Variants in MYH10 observed in about 807,000 individuals in gnomAD.
MYH10 encodes myosin heavy chain 10, also known as myosin-10.
A neutral mutation model predicts 257.8 loss-of-function variants in MYH10; 55 were observed. The ratio of observed to expected loss-of-function variants is 0.21; its 90% confidence interval spans 0.17 to 0.27. MYH10 has a LOEUF of 0.27. MYH10 is among the 10% of genes least tolerant of loss of function. MYH10 has a pLI of 1.00. For missense variants in MYH10, 1,631 were observed against 2,500.6 expected (o/e 0.65, Z 7.42); for synonymous variants, 854 against 921.7 (o/e 0.93, Z 1.33).
At chr17:8,496,707 C>T (rs1350469635) in intron 30 of MYH10, among the ~76,000 whole-genome samples, 1 of 152,192 alleles carries the variant, frequency 6.6e-6, no homozygotes, top group Non-Finnish European at 1.5e-5. Flanking sequence ...TATTTCAGTA[C>T]CTACACGTTA....
At chr17:8,613,804 A>T (rs936675225) in intron 2 of MYH10, among the ~76,000 whole-genome samples, 2 of 152,176 alleles carry the variant, frequency 1.3e-5, no homozygotes, top group African/African-American at 4.8e-5. Context: ...TAACCACCAT[A>T]AGCAGTTTAT....
At chr17:8,564,783 C>A (rs886479671) in intron 7 of MYH10, among the ~76,000 whole-genome samples, 6 of 152,134 alleles carry the variant, frequency 3.9e-5, no homozygotes, top group African/African-American at 1.4e-4. Flanking sequence ...CTTAGACATT[C>A]TACTAGGAAA....
At chr17:8,626,258 C>T (rs1288315201) in intron 1 of MYH10, among the ~76,000 whole-genome samples, 1 of 152,114 alleles carries the variant, frequency 6.6e-6, no homozygotes, top group Non-Finnish European at 1.5e-5. Flanking sequence ...CCAACTTAAA[C>T]GTTGCACACT....
chr17:8,512,691 C>T, intron 23 of MYH10, 34 bp from the exon 24 acceptor site: 1 of 1,564,290 alleles, frequency 6.4e-7, no homozygotes, highest in South Asian at 1.1e-5. Flanking sequence ...TGATTTGCCC[C>T]TATTACATAC....
intron 17 of MYH10, among the ~76,000 whole-genome samples, chr17:8,522,363 AACTGCTCAAGTT>A (rs2151906020): frequency 6.6e-6 from 1 of 151,942 alleles, no homozygotes; most frequent in East Asian, 1.9e-4. Context: ...GGTAAAAGTG[AACTGCTCAAGTT>A]ATGCAGGTCT....
Position 8,569,221 on chromosome 17 carries a change from CAAAA to C in MYH10, c.756+495_756+498del, listed in dbSNP as rs57833859. Among the ~76,000 whole-genome samples the C allele has an allele frequency of 7.2e-6, 1 of 138,756 alleles. No individual in the cohort carries two copies. Among genetic ancestry groups the C allele is most frequent in the Non-Finnish European group, 1.6e-5 (1 of 63,548 alleles). The allele number at this position is 138,756 out of a possible 152,430, so 91.0% of individuals were successfully genotyped here. On this transcript the variant is annotated intron_variant, in intron 7 of 42. Transcript: ENST00000360416. The surrounding 1 kb of genome is among the most constrained non-coding windows in gnomAD (Gnocchi z 4.1). The stretch of plus-strand genomic sequence containing the variant: ...TGGGTGACAGAGCAAGACCCTGTCT[CAAAA>C]AAAAAAAAAAATTAAAGAGAAGTCA...
intron 4 of MYH10, among the ~76,000 whole-genome samples, chr17:8,583,111 G>A (rs577289409): frequency 6.7e-4 from 102 of 152,208 alleles, no homozygotes; most frequent in African/African-American, 2.2e-3. Flanking sequence ...CTCCCCTATC[G>A]CACTGGCACT....
In MYH10 at chr17:8,565,583, T is replaced by C. The variant is rs184131770; in HGVS notation, c.756+4137A>G. 1.3e-3 allele frequency among the ~76,000 whole-genome samples: 200 copies of C among 152,372 alleles called. 2 individuals carry two copies. In the South Asian group the frequency reaches 0.017, roughly 13 times the overall value. On this transcript the variant is annotated intron_variant, in intron 7 of 42. Coordinates refer to ENST00000360416, the MANE Select transcript of MYH10 (RefSeq NM_001256012.3). ...AAGATATCTCTGTTTCTTGGTCGAA[T>C]TGAAAGCTACGTCTAAGAACAATGC...
rs775906226 is a variant in MYH10, at chr17:8,492,348, G to T, written c.4620C>A (p.Leu1540=). The T allele has an allele frequency of 1.9e-6, 3 of 1,613,722 alleles. No homozygotes were observed. The highest frequency in any genetic ancestry group is 1.6e-4 in the Middle Eastern group (1 of 6,062). Residue 1540 remains leucine, a synonymous_variant, in exon 34 of 43, where the codon CTC becomes CTA. Coordinates refer to ENST00000360416, the MANE Select transcript of MYH10 (RefSeq NM_001256012.3). ...TCATGAGGTCTTCCATGTCTGCTCGGAGCTGCTTGTTCTGCCTCTCAAACT... is the reference window on the plus strand; with the variant it reads ...TCATGAGGTCTTCCATGTCTGCTCGTAGCTGCTTGTTCTGCCTCTCAAACT... ...KEEFERQNKQ[L]RADMEDLMSS... is the part of the protein sequence containing the mutation.
chr17:8,563,293 G>A (rs958240351), intron 7 of MYH10, among the ~76,000 whole-genome samples: 13 of 152,126 alleles, frequency 8.5e-5, no homozygotes, highest in African/African-American at 2.9e-4. Context: ...CATGCACTAA[G>A]TGGCCTCATT....
intron 2 of MYH10, among the ~76,000 whole-genome samples, chr17:8,616,344 T>C (rs998893068): frequency 6.6e-6 from 1 of 152,056 alleles, no homozygotes; most frequent in African/African-American, 2.4e-5. Context: ...ACAACATGTG[T>C]GCTCATAGAA....
At chr17:8,484,692 T>G (rs1210928940) in intron 36 of MYH10, among the ~76,000 whole-genome samples, 1 of 152,194 alleles carries the variant, frequency 6.6e-6, no homozygotes, top group Admixed American at 6.5e-5. Flanking sequence ...CAAAAATGAA[T>G]TAATGTAACC....
intron 1 of MYH10, 37 bp downstream of exon 1, chr17:8,630,617 G>A (rs1423260196): frequency 6.6e-6 from 1 of 152,554 alleles, no homozygotes; most frequent in Non-Finnish European, 1.5e-5. Context: ...CCCAGCCCTG[G>A]GCCGTGCACT....
chr17:8,574,566 A>G (rs1442169994), intron 6 of MYH10, among the ~76,000 whole-genome samples: 1 of 152,274 alleles, frequency 6.6e-6, no homozygotes, highest in Non-Finnish European at 1.5e-5. Flanking sequence ...AAGAATGAGT[A>G]GATAAACAAG....
intron 35 of MYH10, among the ~76,000 whole-genome samples, chr17:8,487,835 A>G (rs942287593): frequency 8.5e-5 from 13 of 152,192 alleles, no homozygotes; most frequent in African/African-American, 2.9e-4. Flanking sequence ...CTACGAGGGC[A>G]TGCGAGAAGG....
At chr17:8,626,087 T>C (rs2085663930) in intron 1 of MYH10, among the ~76,000 whole-genome samples, 1 of 152,218 alleles carries the variant, frequency 6.6e-6, no homozygotes, top group Non-Finnish European at 1.5e-5. Flanking sequence ...ACAAATAAAA[T>C]TGCTAACACA....
At chr17:8,575,459 C>T (rs1240940827) in intron 6 of MYH10, among the ~76,000 whole-genome samples, 1 of 152,176 alleles carries the variant, frequency 6.6e-6, no homozygotes, top group Admixed American at 6.5e-5. Flanking sequence ...AAATACCCTA[C>T]AGGATAATGA....
chr17:8,581,007 T>A (rs2083685055), intron 4 of MYH10, among the ~76,000 whole-genome samples: 1 of 152,102 alleles, frequency 6.6e-6, no homozygotes, highest in South Asian at 2.1e-4. Flanking sequence ...AGTGAAGAGC[T>A]GGGGAATGTG....
At chr17:8,597,396 T>C (rs2152064520) in intron 3 of MYH10, among the ~76,000 whole-genome samples, 1 of 151,042 alleles carries the variant, frequency 6.6e-6, no homozygotes, top group Admixed American at 6.7e-5. Flanking sequence ...TTAATAATTA[T>C]TTATATACTT....
Sources: allele counts gnomAD v4.1 joint callset (sites outside exome capture counted in the v4.1 genomes callset), GRCh38; gene constraint gnomAD v4.1.1; non-coding constraint Gnocchi (gnomAD v3.1); transcripts MANE v1.5; gene names NCBI Gene and HGNC (gene_info 2026-07-23, HGNC 2026-07-21).